The following NXPH1 variants were observed in gnomAD, a reference collection of about 807,000 sequenced individuals.
NXPH1 encodes neurexophilin-1.
In NXPH1, 5 loss-of-function variants were observed where a neutral mutation model predicts 23.7. The observed-to-expected ratio is 0.21, with a 90% CI of 0.11 to 0.44. The LOEUF (loss-of-function observed/expected upper bound fraction) is 0.44, where lower values mean the gene tolerates loss of function less well. Among genes scored for constraint, NXPH1 ranks in the 20% least tolerant of loss-of-function variants. The pLI is 0.99. For synonymous variants in NXPH1, 144 were observed against 122.2 expected, an observed-to-expected ratio of 1.18 and a Z score of -1.18; for missense variants, 324 against 321.6, an observed-to-expected ratio of 1.01 and a Z score of -0.06.
At chr7:8,733,133 G>T (rs1290822570) in intron 2 of NXPH1, among the ~76,000 whole-genome samples, 1 of 152,014 alleles carries the variant, frequency 6.6e-6, no homozygotes, top group East Asian at 1.9e-4. Flanking sequence ...GTGGTGTTTT[G>T]TTTTCTGTTC....
At chr7:8,735,772 T>A (rs1780242318) in intron 2 of NXPH1, among the ~76,000 whole-genome samples, 3 of 152,162 alleles carry the variant, frequency 2.0e-5, no homozygotes, top group Non-Finnish European at 4.4e-5. Flanking sequence ...GTTCTGGGCT[T>A]TTTTTGGTTG....
At chr7:8,496,491 A>G (rs1817338238) in intron 2 of NXPH1, among the ~76,000 whole-genome samples, 1 of 152,082 alleles carries the variant, frequency 6.6e-6, no homozygotes, top group Admixed American at 6.6e-5. Context: ...ATAATCCAAG[A>G]GTGGGCAGAA....
At chr7:8,547,263 T>C (rs1267480654) in intron 2 of NXPH1, among the ~76,000 whole-genome samples, 1 of 151,382 alleles carries the variant, frequency 6.6e-6, no homozygotes, top group Non-Finnish European at 1.5e-5. Flanking sequence ...CTTAACGTCA[T>C]TGAAGTATCT....
At chr7:8,490,368 G>A (rs1817228728) in intron 2 of NXPH1, among the ~76,000 whole-genome samples, 1 of 151,056 alleles carries the variant, frequency 6.6e-6, no homozygotes. Context: ...GGTCTGGGGA[G>A]TTGCAGAGAA....
chr7:8,650,864 T>A (rs1820479703), intron 2 of NXPH1, among the ~76,000 whole-genome samples: 1 of 152,196 alleles, frequency 6.6e-6, no homozygotes. Context: ...CTGAGTTCAA[T>A]GGTAAAGTAA....
At chr7:8,521,208 A>G (rs1817765086) in intron 2 of NXPH1, among the ~76,000 whole-genome samples, 1 of 152,220 alleles carries the variant, frequency 6.6e-6, no homozygotes, top group Non-Finnish European at 1.5e-5. Context: ...CAGACAAGTT[A>G]GAGCCACTAC....
chr7:8,654,942 T>G (rs546826143), intron 2 of NXPH1, among the ~76,000 whole-genome samples: 15 of 152,048 alleles, frequency 9.9e-5, no homozygotes, highest in Non-Finnish European at 1.3e-4. Context: ...AATGCAAAGG[T>G]GTGTGTATAT....
chr7:8,660,766 A>G (rs1473722770), intron 2 of NXPH1, among the ~76,000 whole-genome samples: 1 of 152,142 alleles, frequency 6.6e-6, no homozygotes, highest in Non-Finnish European at 1.5e-5. Flanking sequence ...CCAATAATAG[A>G]TATGTTAATT....
At chr7:8,571,991 T>C (rs1662969824) in intron 2 of NXPH1, among the ~76,000 whole-genome samples, 1 of 151,982 alleles carries the variant, frequency 6.6e-6, no homozygotes. Flanking sequence ...CTTGAAAGGT[T>C]ATTTAGCCAG....
chr7:8,469,970 C>A (rs1409832664), intron 2 of NXPH1, among the ~76,000 whole-genome samples: 1 of 152,102 alleles, frequency 6.6e-6, no homozygotes, highest in Non-Finnish European at 1.5e-5. Flanking sequence ...GCTTCCAAAG[C>A]CCATGTCCCT....
intron 2 of NXPH1, among the ~76,000 whole-genome samples, chr7:8,595,379 CT>C (rs1819199543): frequency 6.6e-6 from 1 of 151,522 alleles, no homozygotes; most frequent in African/African-American, 2.4e-5. Context: ...TTATTTTTTA[CT>C]TAAGAAAAAA....
At chr7:8,660,496 C>G (rs1055849240) in intron 2 of NXPH1, among the ~76,000 whole-genome samples, 3 of 152,162 alleles carry the variant, frequency 2.0e-5, no homozygotes, top group Middle Eastern at 6.3e-3. Flanking sequence ...ATTTAAGTAG[C>G]TATGAATTTT....
intron 2 of NXPH1, among the ~76,000 whole-genome samples, chr7:8,624,330 A>G (rs1819942665): frequency 6.6e-6 from 1 of 152,174 alleles, no homozygotes; most frequent in South Asian, 2.1e-4. Flanking sequence ...GAGCTTTCCA[A>G]TTGAACCTTG....
chr7:8,661,830 C>T (rs1031404008), intron 2 of NXPH1, among the ~76,000 whole-genome samples: 3 of 151,896 alleles, frequency 2.0e-5, no homozygotes, highest in Non-Finnish European at 4.4e-5. Flanking sequence ...TTTACTGTTG[C>T]ATATGTTTCC....
intron 2 of NXPH1, among the ~76,000 whole-genome samples, chr7:8,478,782 A>G (rs965477153): frequency 2.0e-5 from 3 of 152,158 alleles, no homozygotes; most frequent in African/African-American, 7.2e-5. Flanking sequence ...AAAGAAAATT[A>G]GATTATTATC....
At chr7:8,687,255 G>A (rs760190303) in intron 2 of NXPH1, among the ~76,000 whole-genome samples, 12 of 152,062 alleles carry the variant, frequency 7.9e-5, no homozygotes, top group Non-Finnish European at 1.2e-4. Context: ...AGAGGATTGG[G>A]CACTGCCTGA....
intron 2 of NXPH1, among the ~76,000 whole-genome samples, chr7:8,553,507 G>A (rs902545364): frequency 1.5e-4 from 22 of 151,524 alleles, no homozygotes; most frequent in Non-Finnish European, 2.4e-4. Flanking sequence ...GCCTAGGCCA[G>A]TTTTATGACT....
chr7:8,670,943 C>T (rs1209374197), intron 2 of NXPH1, among the ~76,000 whole-genome samples: 1 of 152,140 alleles, frequency 6.6e-6, no homozygotes, highest in African/African-American at 2.4e-5. Flanking sequence ...GCACCTCTGA[C>T]ATGGTCTTAT....
At chr7:8,711,419 A>G (rs544757235) in intron 2 of NXPH1, among the ~76,000 whole-genome samples, 2 of 152,304 alleles carry the variant, frequency 1.3e-5, no homozygotes, top group East Asian at 3.9e-4. Context: ...TGAGGCAGGC[A>G]TGTAAGTTAA....
Sources: allele counts gnomAD v4.1 joint callset (sites outside exome capture counted in the v4.1 genomes callset), GRCh38; gene constraint gnomAD v4.1.1; transcripts MANE v1.5; gene names NCBI Gene and HGNC (gene_info 2026-07-23, HGNC 2026-07-21).